Variants in PARP10 observed in about 807,000 individuals in gnomAD.
The protein encoded by PARP10 is poly(ADP-ribose) polymerase family member 10.
A neutral mutation model predicts 82.4 loss-of-function variants in PARP10; 56 were observed. That is an observed-to-expected ratio of 0.68 (90% CI 0.55 to 0.85). The LOEUF is 0.85. Ranked by LOEUF, PARP10 falls within the 40% of genes least tolerant of loss-of-function variation. PARP10 has a pLI of 0.00. For missense variants in PARP10, 1,227 were observed against 1,379.4 expected (o/e 0.89, Z 1.75); for synonymous variants, 576 against 601.1 (o/e 0.96, Z 0.61).
intron 1 of PARP10, among the ~76,000 whole-genome samples, chr8:143,996,549 T>C (rs1236831797): frequency 6.6e-6 from 1 of 152,202 alleles, no homozygotes; most frequent in Non-Finnish European, 1.5e-5. Flanking sequence ...ACAGAGACTG[T>C]GCTCTGTGAG....
intron 1 of PARP10, among the ~76,000 whole-genome samples, chr8:144,000,776 G>A (rs1554751641): frequency 6.6e-6 from 1 of 152,190 alleles, no homozygotes; most frequent in African/African-American, 2.4e-5. Context: ...TGGTCATGGT[G>A]GCTCACACCT....
intron 1 of PARP10, among the ~76,000 whole-genome samples, chr8:143,996,276 A>G (rs1050434268): frequency 6.6e-6 from 1 of 152,274 alleles, no homozygotes; most frequent in African/African-American, 2.4e-5. Flanking sequence ...AACAAGTTAT[A>G]TACGTAAGCA....
At chr8:143,994,974 A>G (rs1346125819), upstream of PARP10, among the ~76,000 whole-genome samples, 1 of 152,052 alleles carries the variant, frequency 6.6e-6, no homozygotes, top group East Asian at 1.9e-4. Context: ...TGGTCTCGGG[A>G]GTAACTGCCA....
chr8:143,993,649 A>G (rs1302102760), upstream of PARP10, among the ~76,000 whole-genome samples: 1 of 152,130 alleles, frequency 6.6e-6, no homozygotes, highest in Non-Finnish European at 1.5e-5. Flanking sequence ...CCCCAATGGT[A>G]AGTGGCCTGG....
upstream of PARP10, among the ~76,000 whole-genome samples, chr8:143,989,195 G>T (rs1453849147): frequency 6.6e-6 from 1 of 152,204 alleles, no homozygotes; most frequent in African/African-American, 2.4e-5. The surrounding 1 kb of genome is among the most constrained non-coding windows in gnomAD (Gnocchi z 4.3). Flanking sequence ...TCTGGGCCCC[G>T]GGTGGGAAGG....
Position 144,003,769 on chromosome 8 carries a change from C to T in PARP10, c.-80+8761G>A, listed in dbSNP as rs555255905. Among the ~76,000 whole-genome samples the T allele has an allele frequency of 3.9e-5, 6 of 152,054 alleles. No homozygotes were observed. The East Asian group carries it at 1.2e-3, about 29-fold the overall frequency. On this transcript the variant is annotated intron_variant, in intron 1 of 3. Transcript: ENST00000530478. ...GGGCCGGCGCAGTGGCTCACAGCTA[C>T]AATCTCAGCATTTTGGGAGGCCAAA...
chr8:143,980,187 G>A (rs1194713328), intron 9 of PARP10, among the ~76,000 whole-genome samples: 2 of 151,096 alleles, frequency 1.3e-5, no homozygotes, highest in African/African-American at 2.4e-5. Context: ...GGGCGTGGTG[G>A]CAGGCGCCTG....
At position 143,977,830 on chromosome 8, in the gene PARP10, G is replaced by C. The variant is rs1183261675; in HGVS notation, c.2732C>G (p.Ala911Gly). The C allele has an allele frequency of 1.9e-6, 3 of 1,597,880 alleles. No homozygotes were observed. Among genetic ancestry groups the C allele is most frequent in the Non-Finnish European group, 2.6e-6 (3 of 1,172,670 alleles). The change falls in exon 11 of 11, where the codon GCC becomes GGC. Residue 911 changes from alanine to glycine, a missense_variant and splice_region_variant. Coordinates refer to ENST00000313028, the MANE Select transcript of PARP10 (RefSeq NM_032789.5). ...ATACACGCCCTTCCCGTAGACCGTGGCTGCAGGGCGAGACGGGGCAAGGTC... is the reference window on the plus strand; with the variant it reads ...ATACACGCCCTTCCCGTAGACCGTGCCTGCAGGGCGAGACGGGGCAAGGTC... ...GFNRSFCGRN[A>G]TVYGKGVYFA...
upstream of PARP10, chr8:143,992,351 C>G (rs1176953311): frequency 1.3e-6 from 2 of 1,595,182 alleles, no homozygotes; most frequent in African/African-American, 2.7e-5. Context: ...GTCTGCTTCA[C>G]CGTCGTCATC....
intron 1 of PARP10, among the ~76,000 whole-genome samples, chr8:144,002,701 C>G (rs782564462): frequency 6.6e-6 from 1 of 152,130 alleles, no homozygotes; most frequent in Non-Finnish European, 1.5e-5. Context: ...ATATAAATCT[C>G]AAAAGCAAAA....
Position 143,986,367 on chromosome 8 carries a change from GGCC to G in PARP10, c.-11_-9del, listed in dbSNP as rs1554749408. The G allele has an allele frequency of 6.2e-7, 1 of 1,614,118 alleles. No homozygotes were observed. Among genetic ancestry groups the G allele is most frequent in the Admixed American group, 1.7e-5 (1 of 60,018 alleles). ...CACATACAGCACTTACATTCCCCGT[GGCC>G]GCTAGGCAGCCTCAGGCCATGAGCT... On this transcript the variant is annotated 5_prime_UTR_variant, in exon 1 of 11. Coordinates refer to ENST00000313028, the MANE Select transcript of PARP10 (RefSeq NM_032789.5).
chr8:144,012,495 C>T (rs1432372530), intron 1 of PARP10: 5 of 1,550,040 alleles, frequency 3.2e-6, no homozygotes, highest in Non-Finnish European at 4.4e-6. Flanking sequence ...GTGGGCCGCA[C>T]CCTTGCCACT....
At chr8:143,978,722 G>T (rs1389922621) in intron 9 of PARP10, among the ~76,000 whole-genome samples, 1 of 152,134 alleles carries the variant, frequency 6.6e-6, no homozygotes, top group African/African-American at 2.4e-5. Context: ...TGCAGAGTGA[G>T]AAGCTAACGG....
intron 7 of PARP10, 38 bp from the exon 8 acceptor site, chr8:143,983,849 C>T (rs1465199861): frequency 6.5e-7 from 1 of 1,532,814 alleles, no homozygotes; most frequent in Admixed American, 2.1e-5. Context: ...AGGGGCTGGA[C>T]CCAGGAGGAG....
At chr8:143,989,903 C>A (rs1423287437), upstream of PARP10, 7 of 152,258 alleles carry the variant, frequency 4.6e-5, no homozygotes, top group African/African-American at 1.7e-4. The surrounding 1 kb of genome is among the most constrained non-coding windows in gnomAD (Gnocchi z 4.3). Flanking sequence ...CACCGCCCGA[C>A]CCCACCCCTC....
chr8:143,989,728 G>A (rs916403631), upstream of PARP10: 1 of 152,266 alleles, frequency 6.6e-6, no homozygotes, highest in Non-Finnish European at 1.5e-5. The surrounding 1 kb of genome is among the most constrained non-coding windows in gnomAD (Gnocchi z 4.3). Context: ...TGATTTGGGA[G>A]AGATCTGGAT....
upstream of PARP10, among the ~76,000 whole-genome samples, chr8:143,994,646 A>G (rs553221497): frequency 1.5e-4 from 23 of 152,330 alleles, no homozygotes; most frequent in East Asian, 4.4e-3. Flanking sequence ...GTTCACAGAC[A>G]GTCCCTCTGC....
In PARP10 at chr8:143,977,519, G is replaced by T; in HGVS notation, c.3043C>A (p.Pro1015Thr). 1 of 1,558,560 alleles carries T rather than the reference G, an allele frequency of 6.4e-7. No individual in the cohort carries two copies. The highest frequency in any genetic ancestry group is 8.7e-7 in the Non-Finnish European group (1 of 1,151,516). The change falls in exon 11 of 11, where the codon CCC becomes ACC. Residue 1015 changes from proline (P) to threonine (T), a missense_variant. Physicochemically the swap from Pro to Thr is conservative, Grantham distance 38. Coordinates refer to ENST00000313028, the MANE Select transcript of PARP10 (RefSeq NM_032789.5). The part of the protein sequence containing the change: ...EHVPRASPDD[P>T]SGLPGRSPDT ...GGGGAGCGGCCCGGGAGCCCAGAGGGGTCGTCGGGGGAAGCGCGGGGCACG... is the reference window on the plus strand; with the variant it reads ...GGGGAGCGGCCCGGGAGCCCAGAGGTGTCGTCGGGGGAAGCGCGGGGCACG...
In PARP10 at chr8:144,011,602, A is replaced by G. The variant is rs1433785197; in HGVS notation, c.-80+928T>C. Among the ~76,000 whole-genome samples the G allele has an allele frequency of 1.3e-5, 2 of 152,198 alleles. No individual in the cohort carries two copies. The highest frequency in any genetic ancestry group is 4.8e-5 in the African/African-American group (2 of 41,442). ...ACTCAGTACTCAAGGTCAGTACCAT[A>G]GAGTTATCTGTAGATAGCTCTAAGA... On this transcript the variant is annotated intron_variant, in intron 1 of 3. Coordinates refer to the PARP10 transcript ENST00000530478. This position sits in a 1 kb window ranked among gnomAD's most constrained non-coding sequence, Gnocchi z 4.5.
Sources: allele counts gnomAD v4.1 joint callset (sites outside exome capture counted in the v4.1 genomes callset), GRCh38; gene constraint gnomAD v4.1.1; non-coding constraint Gnocchi (gnomAD v3.1); transcripts MANE v1.5; gene names NCBI Gene and HGNC (gene_info 2026-07-23, HGNC 2026-07-21).